Variants in MAF observed in about 807,000 individuals in gnomAD.
The protein encoded by MAF is MAF bZIP transcription factor, also known as transcription factor Maf.
MAF carries 10 observed loss-of-function variants against 22.0 expected under a neutral mutation model. The observed-to-expected ratio is 0.45, with a 90% CI of 0.28 to 0.77. The LOEUF (loss-of-function observed/expected upper bound fraction) is 0.77, where lower values mean the gene tolerates loss of function less well. Ranked by LOEUF, MAF falls within the 30% of genes least tolerant of loss-of-function variation. The pLI is 0.12. For missense variants in MAF, 544 were observed against 548.4 expected (o/e 0.99, Z 0.08); for synonymous variants, 337 against 255.8 (o/e 1.32, Z -3.03).
chr16:79,480,527 G>A, the MAF span, among the ~76,000 whole-genome samples: 248 of 152,194 alleles, frequency 1.6e-3, 2 homozygotes, highest in African/African-American at 5.5e-3. Flanking sequence ...CTGTCCAAAG[G>A]CCATTCGAGC....
the MAF span, among the ~76,000 whole-genome samples, chr16:79,402,356 A>C: frequency 6.6e-6 from 1 of 152,326 alleles, no homozygotes; most frequent in East Asian, 1.9e-4. Flanking sequence ...CAGGAGACAG[A>C]TTCTGCTGGC....
chr16:79,508,733 A>G, the MAF span, among the ~76,000 whole-genome samples: 1 of 152,214 alleles, frequency 6.6e-6, no homozygotes, highest in Non-Finnish European at 1.5e-5. Context: ...GGACCTCAAA[A>G]ACATTATGGT....
chr16:79,526,931 A>C, the MAF span, among the ~76,000 whole-genome samples: 1 of 152,210 alleles, frequency 6.6e-6, no homozygotes, highest in South Asian at 2.1e-4. Context: ...TTTATTTTCA[A>C]ATAGAATTGA....
At chr16:79,396,462 G>T in the MAF span, among the ~76,000 whole-genome samples, 1 of 152,202 alleles carries the variant, frequency 6.6e-6, no homozygotes, top group Non-Finnish European at 1.5e-5. Flanking sequence ...ACATCCCCAA[G>T]ATGCAATGCA....
At chr16:79,566,271 C>G in the MAF span, among the ~76,000 whole-genome samples, 1 of 152,178 alleles carries the variant, frequency 6.6e-6, no homozygotes, top group African/African-American at 2.4e-5. Context: ...ACAGTTTCAT[C>G]TTTGTGGCAC....
the MAF span, among the ~76,000 whole-genome samples, chr16:79,396,162 C>T: frequency 7.2e-5 from 11 of 152,306 alleles, 1 homozygote; most frequent in African/African-American, 2.6e-4. Flanking sequence ...GTTTGTCCTG[C>T]AGGACAGGCC....
chr16:79,215,482 T>C, the MAF span, among the ~76,000 whole-genome samples: 1 of 152,188 alleles, frequency 6.6e-6, no homozygotes, highest in Non-Finnish European at 1.5e-5. Flanking sequence ...TATTGGCGTA[T>C]CATCAGCCAA....
chr16:79,435,862 G>A, the MAF span, among the ~76,000 whole-genome samples: 15 of 152,170 alleles, frequency 9.9e-5, no homozygotes, highest in South Asian at 2.1e-4. Context: ...GGGACTCAGA[G>A]AGGAGTCTGC....
At chr16:79,353,265 AC>A in the MAF span, among the ~76,000 whole-genome samples, 1 of 152,002 alleles carries the variant, frequency 6.6e-6, no homozygotes, top group Non-Finnish European at 1.5e-5. Context: ...AGTAGCTGGG[AC>A]CACAATGGCC....
At chr16:79,462,132 A>T in the MAF span, among the ~76,000 whole-genome samples, 4 of 152,164 alleles carry the variant, frequency 2.6e-5, no homozygotes, top group Non-Finnish European at 5.9e-5. Flanking sequence ...TCTCTGGCTT[A>T]CCTCAGTTTT....
chr16:79,297,277 T>G, the MAF span, among the ~76,000 whole-genome samples: 1 of 152,230 alleles, frequency 6.6e-6, no homozygotes, highest in Non-Finnish European at 1.5e-5. Flanking sequence ...TTGATAGCAC[T>G]GAAAGCAATG....
At chr16:79,302,905 G>A in the MAF span, among the ~76,000 whole-genome samples, 1 of 152,204 alleles carries the variant, frequency 6.6e-6, no homozygotes, top group African/African-American at 2.4e-5. Context: ...AACATAAGCT[G>A]CTAAAAGTGG....
the MAF span, among the ~76,000 whole-genome samples, chr16:79,404,308 T>C: frequency 3.3e-5 from 5 of 151,846 alleles, no homozygotes; most frequent in Non-Finnish European, 5.9e-5. Flanking sequence ...GGACTACAGG[T>C]GCCCACCACC....
downstream of MAF, among the ~76,000 whole-genome samples, chr16:79,590,541 G>C (rs1913133552): frequency 6.6e-6 from 1 of 152,210 alleles, no homozygotes; most frequent in South Asian, 2.1e-4. Context: ...AAAGGTGTCA[G>C]AAATTATGGA....
the MAF span, among the ~76,000 whole-genome samples, chr16:79,508,995 C>T: frequency 6.6e-6 from 1 of 152,120 alleles, no homozygotes; most frequent in Non-Finnish European, 1.5e-5. Flanking sequence ...ATACTTTAAA[C>T]CAGATAATTA....
chr16:79,381,657 T>G, the MAF span, among the ~76,000 whole-genome samples: 1 of 152,202 alleles, frequency 6.6e-6, no homozygotes, highest in Non-Finnish European at 1.5e-5. Context: ...TGTTCCACTT[T>G]GGTAGCTACA....
chr16:79,595,124 G>GAA (rs377383083), intron 1 of MAF: 342 of 914,826 alleles, frequency 3.7e-4, no homozygotes, highest in East Asian at 8.5e-4. Context: ...TTGTGATGAG[G>GAA]AAAAAAAAAA....
At chr16:79,550,076 C>T in the MAF span, among the ~76,000 whole-genome samples, 2 of 152,108 alleles carry the variant, frequency 1.3e-5, no homozygotes. Context: ...AGCTTTTCCT[C>T]AAGCTCATAC....
At chr16:79,521,564 G>C in the MAF span, among the ~76,000 whole-genome samples, 1 of 152,060 alleles carries the variant, frequency 6.6e-6, no homozygotes, top group South Asian at 2.1e-4. Context: ...CCCTGAACAA[G>C]ACCCTCCTTC....
Sources: gnomAD v4.1 joint callset for allele counts (sites outside exome capture counted in the v4.1 genomes callset) on GRCh38, gnomAD v4.1.1 for gene constraint, MANE v1.5 for transcripts, NCBI Gene and HGNC (gene_info 2026-07-23, HGNC 2026-07-21) for gene names.